The following IQCM variants were observed in gnomAD, a reference collection of about 807,000 sequenced individuals.
IQCM encodes the protein IQ motif containing M, also known as IQ domain-containing protein M.
A neutral mutation model predicts 57.6 loss-of-function variants in IQCM; 45 were observed. That is an observed-to-expected ratio of 0.78 (90% CI 0.62 to 1.00). IQCM has a LOEUF of 1.00. Ranked by LOEUF, IQCM falls within the 50% of genes least tolerant of loss-of-function variation. The probability of loss-of-function intolerance (pLI) is 0.00; values close to 1 mark genes in which losing one functional copy is unlikely to be tolerated. For synonymous variants in IQCM, 148 were observed against 158.9 expected, an observed-to-expected ratio of 0.93 and a Z score of 0.51; for missense variants, 468 against 511.6, an observed-to-expected ratio of 0.91 and a Z score of 0.82.
Position 149,409,829 on chromosome 4 carries a change from G to A in IQCM, c.1390+23567C>T, listed in dbSNP as rs945457926. On this transcript the variant is annotated intron_variant, in intron 13 of 13. Coordinates refer to ENST00000636793, the MANE Select transcript of IQCM (RefSeq NM_001363507.2). ...AGGCAGCAGCAATAGCCTGTTATTG[G>A]TCTCTACCTCTCCTGCCAGCTGGCC... is the stretch of plus-strand genomic sequence containing the variant. Among the ~76,000 whole-genome samples, 5 of 152,246 alleles carry A rather than the reference G, an allele frequency of 3.3e-5. No homozygotes were observed. The East Asian group carries it at 9.7e-4, about 30-fold the overall frequency.
At chr4:149,734,776 C>T (rs751842192) in intron 4 of IQCM, among the ~76,000 whole-genome samples, 2 of 151,964 alleles carry the variant, frequency 1.3e-5, no homozygotes, top group African/African-American at 4.8e-5. Flanking sequence ...CTGTGCTGAC[C>T]CTCCTCTGTC....
chr4:149,714,181 ACT>A (rs893746796), intron 5 of IQCM, among the ~76,000 whole-genome samples: 2 of 151,830 alleles, frequency 1.3e-5, no homozygotes, highest in African/African-American at 4.8e-5. Context: ...TAGATCCAAC[ACT>A]CTCTGCTCCT....
intron 13 of IQCM, among the ~76,000 whole-genome samples, chr4:149,382,083 C>T (rs1276660737): frequency 6.6e-6 from 1 of 151,980 alleles, no homozygotes; most frequent in Non-Finnish European, 1.5e-5. Context: ...TATTTCGAAG[C>T]ATGCATTTTC....
chr4:149,579,718 C>A (rs1751997022), intron 9 of IQCM, among the ~76,000 whole-genome samples: 2 of 151,758 alleles, frequency 1.3e-5, no homozygotes, highest in African/African-American at 4.8e-5. Context: ...CTAAAGAAAA[C>A]AGGCCTAGAA....
intron 2 of IQCM, among the ~76,000 whole-genome samples, chr4:149,772,248 T>C (rs938010300): frequency 1.3e-5 from 2 of 152,176 alleles, no homozygotes; most frequent in African/African-American, 4.8e-5. Flanking sequence ...TAATAGTTCA[T>C]AAATAAATGG....
At chr4:149,708,978 T>G (rs1211109971) in intron 5 of IQCM, among the ~76,000 whole-genome samples, 2 of 152,104 alleles carry the variant, frequency 1.3e-5, no homozygotes, top group Non-Finnish European at 2.9e-5. Context: ...TGTGACTCAT[T>G]GCAAAATCAG....
chr4:149,545,939 G>C (rs926908420), intron 12 of IQCM, among the ~76,000 whole-genome samples: 3 of 152,004 alleles, frequency 2.0e-5, no homozygotes, highest in Admixed American at 2.0e-4. Context: ...CTTTACATTA[G>C]GTATATCTCC....
intron 12 of IQCM, among the ~76,000 whole-genome samples, chr4:149,511,050 C>G (rs1298693613): frequency 6.6e-6 from 1 of 152,148 alleles, no homozygotes; most frequent in Admixed American, 6.5e-5. Context: ...GGAATAAAGG[C>G]CAGCCTCCTT....
At chr4:149,628,707 AGT>A (rs1352586228) in intron 7 of IQCM, among the ~76,000 whole-genome samples, 1 of 152,212 alleles carries the variant, frequency 6.6e-6, no homozygotes, top group East Asian at 1.9e-4. Context: ...TTATGGGGTA[AGT>A]TTATTAAAAG....
intron 2 of IQCM, among the ~76,000 whole-genome samples, chr4:149,746,732 C>T (rs898321244): frequency 6.6e-6 from 1 of 152,112 alleles, no homozygotes; most frequent in African/African-American, 2.4e-5. Context: ...TCTCTAAGAC[C>T]CCATCAGTTT....
In IQCM at chr4:149,570,584, A is replaced by C. The variant is rs548262940; in HGVS notation, c.750-6694T>G. Reference sequence around the variant, plus strand: ...CCTAATTCCTAACCTCAATGAAAAAACTGACAGGGGCAATAAAAATCCTGC... The same window carrying C: ...CCTAATTCCTAACCTCAATGAAAAACCTGACAGGGGCAATAAAAATCCTGC... On this transcript the variant is annotated intron_variant, in intron 9 of 13. Coordinates refer to ENST00000636793, the MANE Select transcript of IQCM (RefSeq NM_001363507.2). 4.8e-4 allele frequency among the ~76,000 whole-genome samples: 73 copies of C among 152,192 alleles called. 1 individual carries two copies. In the South Asian group the frequency reaches 0.015, roughly 32 times the overall value.
chr4:149,371,511 A>C (rs562208086), intron 13 of IQCM, among the ~76,000 whole-genome samples: 17 of 152,290 alleles, frequency 1.1e-4, no homozygotes, highest in Admixed American at 6.5e-4. Flanking sequence ...AAGAGTATCT[A>C]TCTTTCCAAG....
chr4:149,471,589 A>G (rs541466529), intron 12 of IQCM, among the ~76,000 whole-genome samples: 6 of 152,348 alleles, frequency 3.9e-5, no homozygotes, highest in African/African-American at 1.2e-4. Flanking sequence ...ATCAATAGAA[A>G]AAGAGAGAAT....
chr4:149,485,947 CAGA>C (rs1741432398), intron 12 of IQCM, among the ~76,000 whole-genome samples: 1 of 151,802 alleles, frequency 6.6e-6, no homozygotes. Flanking sequence ...GGATAAGATC[CAGA>C]AGAATTATCT....
intron 7 of IQCM, among the ~76,000 whole-genome samples, chr4:149,680,089 G>C (rs917090931): frequency 2.0e-5 from 3 of 151,142 alleles, no homozygotes; most frequent in Non-Finnish European, 4.4e-5. Flanking sequence ...TGTTGTGGCT[G>C]AAAATAAAAT....
At chr4:149,771,651 T>G (rs2149988987) in intron 2 of IQCM, among the ~76,000 whole-genome samples, 1 of 152,216 alleles carries the variant, frequency 6.6e-6, no homozygotes, top group African/African-American at 2.4e-5. Context: ...GATTTTATAA[T>G]TTTATAGTGA....
intron 12 of IQCM, among the ~76,000 whole-genome samples, chr4:149,527,992 T>G (rs1196263804): frequency 6.7e-6 from 1 of 149,432 alleles, no homozygotes; most frequent in Admixed American, 6.7e-5. Flanking sequence ...TTTTTTGTTT[T>G]TTTTTTTTTT....
chr4:149,376,041 T>C (rs1025102939), intron 13 of IQCM, among the ~76,000 whole-genome samples: 4 of 152,138 alleles, frequency 2.6e-5, no homozygotes, highest in Admixed American at 2.0e-4. Flanking sequence ...TTGCTCTGTT[T>C]GGGAATTCTG....
intron 13 of IQCM, among the ~76,000 whole-genome samples, chr4:149,412,882 G>A (rs976019313): frequency 2.6e-5 from 4 of 152,118 alleles, no homozygotes; most frequent in African/African-American, 9.7e-5. Flanking sequence ...GCATGCCCAG[G>A]GAAAGTTAAA....
Sources: allele counts gnomAD v4.1 joint callset (sites outside exome capture counted in the v4.1 genomes callset), GRCh38; gene constraint gnomAD v4.1.1; transcripts MANE v1.5; gene names NCBI Gene and HGNC (gene_info 2026-07-23, HGNC 2026-07-21).